Variants in BAZ2B observed in about 807,000 individuals in gnomAD.
BAZ2B encodes the protein bromodomain adjacent to zinc finger domain protein 2B.
A neutral mutation model predicts 246.0 loss-of-function variants in BAZ2B; 91 were observed. The observed-to-expected ratio is 0.37, with a 90% CI of 0.31 to 0.44. BAZ2B has a LOEUF of 0.44. Among genes scored for constraint, BAZ2B ranks in the 20% least tolerant of loss-of-function variants. The pLI, the probability that BAZ2B is intolerant of heterozygous loss-of-function variation, is 1.00. For missense variants in BAZ2B, 2,332 were observed against 2,533.7 expected (o/e 0.92, Z 1.71); for synonymous variants, 855 against 860.0 (o/e 0.99, Z 0.10).
the BAZ2B span, among the ~76,000 whole-genome samples, chr2:159,647,809 A>ATG: frequency 6.6e-6 from 1 of 152,202 alleles, no homozygotes; most frequent in East Asian, 1.9e-4. Context: ...ATTTATAATG[A>ATG]TGTGTGGACT....
intron 2 of BAZ2B, among the ~76,000 whole-genome samples, chr2:159,545,730 T>C (rs1352261141): frequency 1.3e-5 from 2 of 151,370 alleles, no homozygotes; most frequent in African/African-American, 4.9e-5. Context: ...TTATAAGGAG[T>C]TTACAGTCTA....
intron 25 of BAZ2B, among the ~76,000 whole-genome samples, chr2:159,381,480 A>G (rs922616230): frequency 1.3e-5 from 2 of 152,068 alleles, no homozygotes; most frequent in African/African-American, 4.8e-5. Context: ...AACAACCTAC[A>G]TAGTCTACCT....
intron 2 of BAZ2B, among the ~76,000 whole-genome samples, chr2:159,553,081 A>G (rs901224970): frequency 6.6e-6 from 1 of 152,140 alleles, no homozygotes; most frequent in African/African-American, 2.4e-5. Context: ...TACAGTTCTT[A>G]TTCTTGAGTA....
Position 159,504,495 on chromosome 2 carries a change from T to G in BAZ2B, c.-2-25774A>C, listed in dbSNP as rs529459746. 3.9e-5 allele frequency among the ~76,000 whole-genome samples: 6 copies of G among 152,304 alleles called. No homozygotes were observed. The East Asian group carries it at 1.2e-3, about 29-fold the overall frequency. The stretch of plus-strand genomic sequence containing the variant: ...TTGAGACTACAGGCACATAGCACTC[T>G]GTCCAGATTGAACCTTAAAATTTAA... On this transcript the variant is annotated intron_variant, in intron 2 of 36. Transcript: ENST00000392783.
chr2:159,513,390 G>A (rs879595713), intron 2 of BAZ2B, among the ~76,000 whole-genome samples: 22 of 152,118 alleles, frequency 1.4e-4, no homozygotes, highest in Non-Finnish European at 2.4e-4. Flanking sequence ...GACTAAGTAA[G>A]TCCAATTCAT....
chr2:159,655,455 T>G, the BAZ2B span, among the ~76,000 whole-genome samples: 23 of 152,340 alleles, frequency 1.5e-4, no homozygotes, highest in African/African-American at 4.8e-4. Flanking sequence ...TCTTTTTGAC[T>G]TTAGCTGTCA....
chr2:159,665,081 T>C, the BAZ2B span, among the ~76,000 whole-genome samples: 5 of 135,402 alleles, frequency 3.7e-5, no homozygotes, highest in Admixed American at 3.1e-4. Context: ...AGCCAAATCA[T>C]GGGTGAACTC....
intron 17 of BAZ2B, 27 bp from the exon 18 acceptor site, chr2:159,398,921 T>G (rs1395356520): frequency 6.3e-7 from 1 of 1,597,156 alleles, no homozygotes; most frequent in East Asian, 2.2e-5. Flanking sequence ...GGTCTCAAAG[T>G]CATGCAACAG....
chr2:159,688,503 TAC>T, the BAZ2B span, among the ~76,000 whole-genome samples: 1 of 152,330 alleles, frequency 6.6e-6, no homozygotes, highest in Non-Finnish European at 1.5e-5. Context: ...CTGTTAAAAG[TAC>T]ATTTATCAAA....
intron 36 of BAZ2B, chr2:159,321,816 A>G: frequency 6.6e-6 from 1 of 152,202 alleles, no homozygotes; most frequent in East Asian, 1.9e-4. Context: ...AGGAATGAAT[A>G]AGACCTAGTA....
At chr2:159,643,876 CAAAAAAAAA>C in the BAZ2B span, among the ~76,000 whole-genome samples, 1 of 65,892 alleles carries the variant, frequency 1.5e-5, no homozygotes, top group Non-Finnish European at 2.9e-5. Context: ...AACTCCATCA[CAAAAAAAAA>C]AAAAAAAAAA....
chr2:159,553,490 T>C (rs1348671326), intron 2 of BAZ2B, among the ~76,000 whole-genome samples: 1 of 151,566 alleles, frequency 6.6e-6, no homozygotes, highest in Non-Finnish European at 1.5e-5. Flanking sequence ...TTAGAAGGTC[T>C]GGATTTGATC....
At chr2:159,648,129 GTTTA>G in the BAZ2B span, among the ~76,000 whole-genome samples, 82 of 151,816 alleles carry the variant, frequency 5.4e-4, no homozygotes, top group African/African-American at 1.8e-3. Context: ...CTATTTGTTT[GTTTA>G]TTTATTTATT....
At chr2:159,620,955 C>T (rs1366713990), upstream of BAZ2B, among the ~76,000 whole-genome samples, 2 of 152,002 alleles carry the variant, frequency 1.3e-5, no homozygotes, top group African/African-American at 2.4e-5. Context: ...CTTAACAGTC[C>T]GTAAGAATGA....
At chr2:159,618,590 T>C (rs1416079213), upstream of BAZ2B, among the ~76,000 whole-genome samples, 1 of 152,110 alleles carries the variant, frequency 6.6e-6, no homozygotes, top group Non-Finnish European at 1.5e-5. Context: ...TGTTCTATAA[T>C]GGTGGTCATT....
At chr2:159,571,854 A>G (rs1382224162) in intron 1 of BAZ2B, among the ~76,000 whole-genome samples, 7 of 152,048 alleles carry the variant, frequency 4.6e-5, no homozygotes, top group Admixed American at 1.3e-4. Flanking sequence ...TCAGGAGCCT[A>G]CTCCCAAGAT....
rs953905982 is a variant in BAZ2B, at chr2:159,432,768, T to C, written c.1889A>G (p.Asp630Gly). 2.5e-6 allele frequency: 4 copies of C among 1,611,232 alleles called. No homozygotes were observed. Among genetic ancestry groups the C allele is most frequent in the Non-Finnish European group, 3.4e-6 (4 of 1,177,784 alleles). ...AAAATGAAAATAACCTGATTGGCTG[T>C]CATCAGATTCATCATCTTCATCATC... The part of the protein sequence containing the change: ...EEDDEDDESD[D>G]SQSESDSNSE... Residue 630 changes from aspartate (D) to glycine (G), a missense_variant, in exon 9 of 37, where the codon GAC becomes GGC. Asp to Gly is a moderately conservative substitution (Grantham distance 94). Coordinates refer to ENST00000392783, the MANE Select transcript of BAZ2B (RefSeq NM_013450.4).
intron 2 of BAZ2B, among the ~76,000 whole-genome samples, chr2:159,518,765 G>A (rs1358275782): frequency 1.3e-5 from 2 of 152,048 alleles, no homozygotes; most frequent in East Asian, 3.9e-4. Flanking sequence ...GGTAAAGCTG[G>A]AACAAAGAAA....
chr2:159,467,812 T>C (rs982409828), intron 3 of BAZ2B, among the ~76,000 whole-genome samples: 4 of 152,114 alleles, frequency 2.6e-5, no homozygotes, highest in Non-Finnish European at 4.4e-5. Flanking sequence ...AGAGGAGAGT[T>C]TAGTCTGGAC....
Sources: gnomAD v4.1 joint callset for allele counts (sites outside exome capture counted in the v4.1 genomes callset) on GRCh38, gnomAD v4.1.1 for gene constraint, MANE v1.5 for transcripts, NCBI Gene and HGNC (gene_info 2026-07-23, HGNC 2026-07-21) for gene names.